ABL2: variants seen among roughly 807,000 people sequenced by gnomAD.
The protein encoded by ABL2 is tyrosine-protein kinase ABL2.
Under a neutral mutation model 107.7 loss-of-function variants are expected in ABL2, and 49 were observed. The ratio of observed to expected loss-of-function variants is 0.45; its 90% CI spans 0.36 to 0.58. The LOEUF is 0.58. Ranked by LOEUF, ABL2 falls within the 20% of genes least tolerant of loss-of-function variation. The pLI is 0.00. For synonymous variants in ABL2, 549 were observed against 548.6 expected (o/e 1.00, Z -0.01); for missense variants, 1,245 against 1,457.0 (o/e 0.85, Z 2.37).
At chr1:179,210,253 C>T (rs1286999067) in intron 1 of ABL2, among the ~76,000 whole-genome samples, 1 of 152,100 alleles carries the variant, frequency 6.6e-6, no homozygotes, top group Admixed American at 6.6e-5. Flanking sequence ...TGCCTATAAT[C>T]CCAGCACTTT....
chr1:179,155,198 T>A (rs1226428944), intron 1 of ABL2, among the ~76,000 whole-genome samples: 1 of 152,202 alleles, frequency 6.6e-6, no homozygotes, highest in Non-Finnish European at 1.5e-5. Flanking sequence ...TATCTTCTGG[T>A]GAAGACTTTG....
chr1:179,110,624 T>G (rs1653961652), intron 10 of ABL2, 169 bp from the exon 11 acceptor site: 1 of 1,520,202 alleles, frequency 6.6e-7, no homozygotes, highest in Non-Finnish European at 8.8e-7. Context: ...TCGCCCAGTA[T>G]CATGTGTGTA....
At position 179,104,033 on chromosome 1, in the gene ABL2, G is replaced by A. The variant is rs987177825; in HGVS notation, c.*3685C>T. ...TTCTGATCTGGAGTGGGGCTATTCC[G>A]TCAGTTTTTTTTGTTTGTTTTGTTT... On this transcript the variant is annotated 3_prime_UTR_variant, in exon 12 of 12. Coordinates refer to ENST00000502732, the MANE Select transcript of ABL2 (RefSeq NM_007314.4). 1.3e-5 allele frequency: 3 copies of A among 233,220 alleles called. No individual in the cohort carries two copies. Among genetic ancestry groups the A allele is most frequent in the Non-Finnish European group, 1.7e-5 (2 of 117,882 alleles). The allele number at this position is 233,220 out of a possible 1,614,324, so 14.4% of individuals were successfully genotyped here. A position where few individuals can be genotyped will look rare whatever the true frequency, so the allele number is the denominator to read the frequency against.
At chr1:179,173,062 C>T (rs1343537136) in intron 1 of ABL2, among the ~76,000 whole-genome samples, 1 of 151,696 alleles carries the variant, frequency 6.6e-6, no homozygotes, top group Non-Finnish European at 1.5e-5. Context: ...TGGTAGTGGG[C>T]GCCTGTAGTC....
Position 179,120,068 on chromosome 1 carries a change from G to C in ABL2, c.1045+122C>G, listed in dbSNP as rs1470840260. 1.5e-5 allele frequency: 9 copies of C among 581,412 alleles called. No individual in the cohort carries two copies. In the East Asian group the frequency reaches 2.7e-4, roughly 17 times the overall value. The allele number at this position is 581,412 out of a possible 1,614,324, so 36.0% of individuals were successfully genotyped here. On this transcript the variant is annotated intron_variant, in intron 6 of 11. Coordinates refer to ENST00000502732, the MANE Select transcript of ABL2 (RefSeq NM_007314.4). ...GAAGTATCACGTCAACAGCAGCCTG[G>C]ACAACAGAGCGAGACCCTGTCTCTA...
intron 10 of ABL2, among the ~76,000 whole-genome samples, chr1:179,111,475 G>A (rs1377420974): frequency 6.6e-5 from 10 of 151,348 alleles, no homozygotes; most frequent in East Asian, 2.0e-4. Context: ...TAGTAGAGAC[G>A]GGGTTTCACC....
chr1:179,224,151 A>AC (rs1223227373), intron 1 of ABL2, among the ~76,000 whole-genome samples: 2 of 149,370 alleles, frequency 1.3e-5, no homozygotes, highest in Non-Finnish European at 3.0e-5. Flanking sequence ...AAAAAAAAAA[A>AC]AAAAAAACTA....
rs147191355 is a variant in ABL2, at chr1:179,197,681, C to A, written c.157+31560G>T. ...GTCAGGAGTTTGAGACTACCTTGAT[C>A]AATATGGTGAAATCCTGTCTCTACT... On this transcript the variant is annotated intron_variant, in intron 1 of 11. Transcript: ENST00000502732. Among the ~76,000 whole-genome samples the A allele has an allele frequency of 2.5e-3, 377 of 151,768 alleles. 3 individuals carry two copies. Among genetic ancestry groups the A allele is most frequent in the African/African-American group, 8.0e-3 (329 of 41,380 alleles).
intron 1 of ABL2, among the ~76,000 whole-genome samples, chr1:179,226,140 G>A (rs575039426): frequency 1.4e-5 from 2 of 145,434 alleles, no homozygotes; most frequent in South Asian, 4.3e-4. Context: ...CTGCACCTTT[G>A]TTTCCTATAT....
intron 1 of ABL2, among the ~76,000 whole-genome samples, chr1:179,145,664 T>C (rs908762267): frequency 1.3e-5 from 2 of 151,938 alleles, no homozygotes; most frequent in Non-Finnish European, 2.9e-5. Context: ...GCATTCTGAG[T>C]AGACAATGTA....
chr1:179,162,457 C>T (rs1372312232), intron 1 of ABL2, among the ~76,000 whole-genome samples: 1 of 152,022 alleles, frequency 6.6e-6, no homozygotes, highest in East Asian at 1.9e-4. Context: ...TGGTGGTACA[C>T]GTCTGTAACC....
At chr1:179,224,924 G>A (rs1438776947) in intron 1 of ABL2, among the ~76,000 whole-genome samples, 1 of 152,028 alleles carries the variant, frequency 6.6e-6, no homozygotes, top group Non-Finnish European at 1.5e-5. Context: ...TCCTCGGGAG[G>A]CTGAGGCAGG....
chr1:179,166,789 A>G (rs1557969186), intron 1 of ABL2, among the ~76,000 whole-genome samples: 1 of 151,798 alleles, frequency 6.6e-6, no homozygotes, highest in Non-Finnish European at 1.5e-5. Flanking sequence ...AAAAAAAAAA[A>G]AAAAAGAAAA....
chr1:179,155,227 A>C (rs1658611415), intron 1 of ABL2, among the ~76,000 whole-genome samples: 1 of 152,190 alleles, frequency 6.6e-6, no homozygotes, highest in African/African-American at 2.4e-5. Context: ...CAGGCCCCAA[A>C]GTCGGCTGAT....
intron 1 of ABL2, among the ~76,000 whole-genome samples, chr1:179,169,071 G>T (rs1177921380): frequency 3.9e-5 from 6 of 152,042 alleles, no homozygotes; most frequent in Non-Finnish European, 8.8e-5. Context: ...CCCAGAATTA[G>T]AATTTTCTCC....
At chr1:179,179,617 C>A (rs1660253885) in intron 1 of ABL2, among the ~76,000 whole-genome samples, 1 of 151,828 alleles carries the variant, frequency 6.6e-6, no homozygotes, top group Admixed American at 6.6e-5. Flanking sequence ...AGAGATATGG[C>A]CTGAATGTTT....
intron 4 of ABL2, among the ~76,000 whole-genome samples, chr1:179,124,494 A>T (rs1215617515): frequency 2.6e-5 from 2 of 76,904 alleles, no homozygotes; most frequent in Admixed American, 1.6e-4. Flanking sequence ...TTTGAGACAG[A>T]GTCTCGCTCT....
At position 179,118,679 on chromosome 1, in the gene ABL2, G is replaced by A. The variant is rs761700675; in HGVS notation, c.1131C>T (p.Asn377=). The A allele has an allele frequency of 6.2e-7, 1 of 1,613,868 alleles. No individual in the cohort carries two copies. Among genetic ancestry groups the A allele is most frequent in the Non-Finnish European group, 8.5e-7 (1 of 1,180,000 alleles). Residue 377 remains asparagine, a synonymous_variant, in exon 7 of 12, where the codon AAC becomes AAT. Coordinates refer to ENST00000502732, the MANE Select transcript of ABL2 (RefSeq NM_007314.4). ...GNLLDYLREC[N]REEVTAVVLL... Reference sequence around the variant, plus strand: ...GCACAACTGCAGTCACCTCTTCTCGGTTGCATTCTCGGAGGTAATCCAGCA... The same window carrying A: ...GCACAACTGCAGTCACCTCTTCTCGATTGCATTCTCGGAGGTAATCCAGCA...
At position 179,101,937 on chromosome 1, in the gene ABL2, A is replaced by ACT. The variant is rs1653122978; in HGVS notation, c.*5779_*5780dup. ...GTGCTGAACAGAGCAAGTAACAATA[A>ACT]CTATTACTACTGGCTTGCTGGAAAA... On this transcript the variant is annotated 3_prime_UTR_variant, in exon 12 of 12. Transcript: ENST00000502732. The ACT allele has an allele frequency of 5.6e-6, 1 of 179,508 alleles. No homozygotes were observed. The highest frequency in any genetic ancestry group is 9.3e-5 in the East Asian group (1 of 10,806). The allele number at this position is 179,508 out of a possible 1,614,324, so 11.1% of individuals were successfully genotyped here. A position where few individuals can be genotyped will look rare whatever the true frequency, so the allele number is the denominator to read the frequency against.
Sources: gnomAD v4.1 joint callset for allele counts (sites outside exome capture counted in the v4.1 genomes callset) on GRCh38, gnomAD v4.1.1 for gene constraint, MANE v1.5 for transcripts, NCBI Gene and HGNC (gene_info 2026-07-23, HGNC 2026-07-21) for gene names.